The following SHISA9 variants were observed in gnomAD, a reference collection of about 807,000 sequenced individuals.
SHISA9 encodes protein shisa-9.
A neutral mutation model predicts 38.0 loss-of-function variants in SHISA9; 13 were observed. The observed-to-expected ratio is 0.34, with a 90% CI of 0.22 to 0.54. The LOEUF is 0.54. Ranked by LOEUF, SHISA9 falls within the 20% of genes least tolerant of loss-of-function variation. The pLI, the probability that SHISA9 is intolerant of heterozygous loss-of-function variation, is 0.91. For synonymous variants in SHISA9, 275 were observed against 242.0 expected (o/e 1.14, Z -1.27); for missense variants, 538 against 575.8 (o/e 0.93, Z 0.67).
intron 1 of SHISA9, among the ~76,000 whole-genome samples, chr16:12,907,122 TTTC>T (rs140884039): frequency 0.29 from 33,911 of 115,970 alleles, 6,233 homozygotes; most frequent in Non-Finnish European, 0.41. Flanking sequence ...CCTCTCTTCC[TTTC>T]TTCTTTTCTT....
intron 2 of SHISA9, among the ~76,000 whole-genome samples, chr16:12,953,239 CAA>C (rs869253149): frequency 6.8e-6 from 1 of 146,646 alleles, no homozygotes; most frequent in African/African-American, 2.5e-5. Context: ...ACAACAACAA[CAA>C]AAAACAGCCA....
chr16:13,050,271 ATAT>A (rs1471135608), intron 2 of SHISA9, among the ~76,000 whole-genome samples: 4 of 152,166 alleles, frequency 2.6e-5, no homozygotes, highest in Admixed American at 1.3e-4. Context: ...CTGGATGAAG[ATAT>A]TATGGATAAA....
At chr16:12,951,135 T>C (rs77581387) in intron 2 of SHISA9, among the ~76,000 whole-genome samples, 1 of 133,756 alleles carries the variant, frequency 7.5e-6, no homozygotes, top group East Asian at 2.2e-4. Flanking sequence ...GCAGGAGAAT[T>C]GCTTGAACCC....
At chr16:13,220,130 T>C (rs2051208910) in intron 4 of SHISA9, among the ~76,000 whole-genome samples, 2 of 152,210 alleles carry the variant, frequency 1.3e-5, no homozygotes, top group Admixed American at 6.5e-5. Context: ...TAGACCAGCA[T>C]TTATTTAGAT....
the SHISA9 span, among the ~76,000 whole-genome samples, chr16:13,351,360 C>A: frequency 6.6e-6 from 1 of 150,596 alleles, no homozygotes; most frequent in South Asian, 2.2e-4. Flanking sequence ...GGTTTTCTAA[C>A]CTTCAGTTCA....
chr16:13,408,262 T>C, the SHISA9 span, among the ~76,000 whole-genome samples: 1 of 151,956 alleles, frequency 6.6e-6, no homozygotes, highest in Non-Finnish European at 1.5e-5. Flanking sequence ...GAACACAAAA[T>C]TAAAATATAA....
chr16:12,933,297 T>A (rs753665748), intron 2 of SHISA9, among the ~76,000 whole-genome samples: 1 of 152,030 alleles, frequency 6.6e-6, no homozygotes, highest in South Asian at 2.1e-4. Context: ...GTTGTCTTTG[T>A]TGTCTTTTTT....
rs529430281 is a variant in SHISA9, at chr16:12,990,108, T to A, written c.691+73293T>A. ...ATCCATGTCCCTGCAAAGGACGTGA[T>A]CTCATTTCTTTTTTATGGCTGCACA... On this transcript the variant is annotated intron_variant, in intron 2 of 4. Transcript: ENST00000558583. Among the ~76,000 whole-genome samples the A allele has an allele frequency of 2.1e-3, 314 of 152,292 alleles. 1 individual carries two copies. The highest frequency in any genetic ancestry group is 7.3e-3 in the African/African-American group (303 of 41,566).
At chr16:13,345,936 C>A in the SHISA9 span, among the ~76,000 whole-genome samples, 454 of 148,276 alleles carry the variant, frequency 3.1e-3, 4 homozygotes, top group African/African-American at 0.011. Flanking sequence ...TCGCCCAATT[C>A]TTTATGGGGT....
intron 2 of SHISA9, among the ~76,000 whole-genome samples, chr16:13,062,261 C>A (rs1289293993): frequency 1.3e-5 from 2 of 152,026 alleles, no homozygotes; most frequent in Admixed American, 1.3e-4. Flanking sequence ...GTTGCCAAAT[C>A]TGGTAACCCT....
the SHISA9 span, among the ~76,000 whole-genome samples, chr16:13,376,063 T>G: frequency 6.6e-6 from 1 of 152,110 alleles, no homozygotes; most frequent in Non-Finnish European, 1.5e-5. Flanking sequence ...ATGGAAGAAG[T>G]CCATCTTGGA....
At chr16:12,972,335 C>G (rs989166012) in intron 2 of SHISA9, among the ~76,000 whole-genome samples, 8 of 152,004 alleles carry the variant, frequency 5.3e-5, no homozygotes, top group Non-Finnish European at 7.4e-5. Context: ...GCAGAGGTCC[C>G]AAGGTAGAAA....
chr16:13,061,354 G>A (rs1423895075), intron 2 of SHISA9, among the ~76,000 whole-genome samples: 4 of 152,180 alleles, frequency 2.6e-5, no homozygotes, highest in Admixed American at 1.3e-4. Context: ...TAGTTTTGAT[G>A]CCTATTCTCC....
At chr16:13,155,077 A>G (rs1330353353) in intron 2 of SHISA9, among the ~76,000 whole-genome samples, 2 of 152,228 alleles carry the variant, frequency 1.3e-5, no homozygotes, top group African/African-American at 4.8e-5. Context: ...GATGAAATAT[A>G]CTGGAGTAGA....
chr16:13,451,051 C>T, the SHISA9 span, among the ~76,000 whole-genome samples: 1 of 152,160 alleles, frequency 6.6e-6, no homozygotes, highest in African/African-American at 2.4e-5. Flanking sequence ...TGCTCTGCCC[C>T]TGGACATGCC....
Position 13,235,306 on chromosome 16 carries a change from C to T in SHISA9, c.1172C>T (p.Thr391Met), listed in dbSNP as rs1410821057. ...TACAGCAACAAGGGCAAGCTTGGCA[C>T]GGCCGAGACAGGCTCCAGCGACCCC... ...QAYSNKGKLGTAETGSSDPLG... is the reference protein window; with the variant it reads ...QAYSNKGKLGMAETGSSDPLG... Residue 391 changes from threonine (T) to methionine (M), a missense_variant, in exon 5 of 5, where the codon ACG (threonine) becomes ATG (methionine). Around this residue, in one of 4 missense-constraint regions of SHISA9, gnomAD observed 326 missense variants for 305.9 expected, o/e 1.07. Transcript: ENST00000558583. 4.5e-6 allele frequency: 7 copies of T among 1,550,508 alleles called. No homozygotes were observed. Among genetic ancestry groups the T allele is most frequent in the Non-Finnish European group, 3.5e-6 (4 of 1,147,010 alleles).
At chr16:13,058,480 C>T (rs1430615820) in intron 2 of SHISA9, among the ~76,000 whole-genome samples, 2 of 152,162 alleles carry the variant, frequency 1.3e-5, no homozygotes, top group East Asian at 3.9e-4. Context: ...TCATTTACTC[C>T]CACAACTACC....
intron 2 of SHISA9, among the ~76,000 whole-genome samples, chr16:13,028,390 A>G (rs2072950990): frequency 6.6e-6 from 1 of 152,106 alleles, no homozygotes; most frequent in Admixed American, 6.5e-5. Flanking sequence ...AAAGAGAAAG[A>G]GGTTGAATGG....
chr16:13,220,773 CAGCCATGGCTG>C (rs2051216238), intron 4 of SHISA9, among the ~76,000 whole-genome samples: 1 of 150,002 alleles, frequency 6.7e-6, no homozygotes, highest in Non-Finnish European at 1.5e-5. Context: ...GATCTGTGCT[CAGCCATGGCTG>C]GAGAATGAGC....
Sources: gnomAD v4.1 joint callset for allele counts (sites outside exome capture counted in the v4.1 genomes callset) on GRCh38, gnomAD v4.1.1 for gene constraint, gnomAD v4.1.1 regional missense constraint, MANE v1.5 for transcripts, NCBI Gene and HGNC (gene_info 2026-07-23, HGNC 2026-07-21) for gene names.